The following CLUL1 variants were observed in gnomAD, a reference collection of about 807,000 sequenced individuals.
CLUL1 encodes the protein clusterin like 1.
In CLUL1, 43 loss-of-function variants were observed where a neutral mutation model predicts 49.4. The observed-to-expected ratio is 0.87, with a 90% CI of 0.68 to 1.12. The LOEUF (loss-of-function observed/expected upper bound fraction) is 1.12. Ranked by LOEUF, CLUL1 falls within the 50% of genes most tolerant of loss-of-function variation. The pLI, the probability that CLUL1 is intolerant of heterozygous loss-of-function variation, is 0.00. For missense variants in CLUL1, 486 were observed against 544.4 expected (o/e 0.89, Z 1.07); for synonymous variants, 192 against 184.9 (o/e 1.04, Z -0.31).
At position 645,657 on chromosome 18, in the gene CLUL1, G is replaced by A. The variant is rs536437179; in HGVS notation, c.1397+560G>A. Among the ~76,000 whole-genome samples, 84 of 149,906 alleles carry A rather than the reference G, an allele frequency of 5.6e-4. 1 individual carries two copies. The highest frequency in any genetic ancestry group is 1.9e-3 in the African/African-American group (76 of 40,952). ...AAAATAAAAAAAATTAGCCGGGCGT[G>A]GTGGCGGGCGCCTGTAGTCCCAGCT... On this transcript the variant is annotated intron_variant, in intron 9 of 9. Transcript: ENST00000692774.
intron 2 of CLUL1, among the ~76,000 whole-genome samples, chr18:607,584 C>G (rs551963023): frequency 4.1e-4 from 63 of 152,256 alleles, no homozygotes; most frequent in African/African-American, 1.5e-3. Flanking sequence ...ATGCCACCAC[C>G]TAGCTAATTT....
chr18:637,358 C>A, intron 7 of CLUL1, among the ~76,000 whole-genome samples: 1 of 152,062 alleles, frequency 6.6e-6, no homozygotes, highest in Admixed American at 6.6e-5. Flanking sequence ...TTACACGGGC[C>A]ACAGAACAAG....
At chr18:613,611 C>A (rs1444139632) in intron 2 of CLUL1, among the ~76,000 whole-genome samples, 1 of 151,478 alleles carries the variant, frequency 6.6e-6, no homozygotes, top group East Asian at 1.9e-4. Flanking sequence ...CCTGCCACCA[C>A]CCCCAGCTAA....
At chr18:625,111 A>C (rs1175002311) in intron 5 of CLUL1, 79 bp downstream of exon 5, 49 of 1,425,308 alleles carry the variant, frequency 3.4e-5, no homozygotes, top group Non-Finnish European at 3.8e-5. Flanking sequence ...ATTTATGTTA[A>C]TATTTAGAAC....
At chr18:637,971 A>T (rs1262105037) in intron 7 of CLUL1, among the ~76,000 whole-genome samples, 2 of 152,030 alleles carry the variant, frequency 1.3e-5, no homozygotes, top group Non-Finnish European at 2.9e-5. Flanking sequence ...TGTCTTGAAA[A>T]AATAATAATA....
chr18:598,902 G>C (rs2072737678), intron 1 of CLUL1, among the ~76,000 whole-genome samples: 1 of 151,948 alleles, frequency 6.6e-6, no homozygotes, highest in Non-Finnish European at 1.5e-5. Context: ...ATGTTGTTCT[G>C]ATTTACTAAA....
At chr18:615,368 T>C (rs73942578) in intron 2 of CLUL1, among the ~76,000 whole-genome samples, 4,959 of 152,268 alleles carry the variant, frequency 0.033, 287 homozygotes, top group African/African-American at 0.11. Context: ...AAGAAAAAAA[T>C]CTGCTACTAG....
At chr18:633,791 ATGTAATCGGAATGAATCAGGGCGGAGCG>A (rs751070693) in intron 7 of CLUL1, among the ~76,000 whole-genome samples, 77,484 of 148,204 alleles carry the variant, frequency 0.52, 22,627 homozygotes, top group Middle Eastern at 0.66. Flanking sequence ...ATGACAGAGC[ATGTAATCGGAATGAATCAGGGCGGAGCG>A]TGTAATCGGA....
chr18:638,105 G>A (rs74321578), intron 7 of CLUL1, among the ~76,000 whole-genome samples: 21,151 of 152,122 alleles, frequency 0.14, 2,192 homozygotes, highest in African/African-American at 0.29. Flanking sequence ...TATCTGCTTC[G>A]TACACATCTT....
intron 6 of CLUL1, among the ~76,000 whole-genome samples, chr18:631,672 C>G (rs1031929365): frequency 6.6e-6 from 1 of 152,030 alleles, no homozygotes; most frequent in African/African-American, 2.4e-5. Flanking sequence ...TATGACACAG[C>G]CTCTGACTTC....
At chr18:629,612 C>T (rs974275338) in intron 6 of CLUL1, among the ~76,000 whole-genome samples, 5 of 152,218 alleles carry the variant, frequency 3.3e-5, no homozygotes, top group Non-Finnish European at 7.3e-5. Flanking sequence ...CTGCCTCACA[C>T]GCACCCTCCC....
At chr18:616,623 G>C (rs2073301233) in intron 2 of CLUL1, 1 of 469,164 alleles carries the variant, frequency 2.1e-6, no homozygotes, top group South Asian at 9.0e-5. Context: ...AAAATGTTGG[G>C]TTAATAGGAT....
intron 1 of CLUL1, among the ~76,000 whole-genome samples, chr18:605,621 C>A (rs2072950480): frequency 6.6e-6 from 1 of 151,994 alleles, no homozygotes. Context: ...GGAAAACATG[C>A]ATGGTATTTT....
intron 2 of CLUL1, among the ~76,000 whole-genome samples, chr18:608,890 A>G (rs1170017617): frequency 1.3e-5 from 2 of 152,238 alleles, no homozygotes; most frequent in African/African-American, 4.8e-5. Flanking sequence ...CTTGACCATT[A>G]TAATACCATT....
At chr18:597,471 A>G (rs1013229688) in intron 1 of CLUL1, among the ~76,000 whole-genome samples, 4 of 152,116 alleles carry the variant, frequency 2.6e-5, no homozygotes, top group African/African-American at 9.7e-5. Context: ...CACGCCTGTA[A>G]TCTCAACACT....
chr18:649,874 G>C (rs776505641), intron 9 of CLUL1, 24 bp from the exon 10 acceptor site: 2 of 1,303,044 alleles, frequency 1.5e-6, no homozygotes, highest in South Asian at 1.3e-5. Context: ...TTTGATCATT[G>C]CTGCCTTTTT....
intron 9 of CLUL1, 94 bp downstream of exon 9, chr18:645,191 C>G: frequency 1.1e-6 from 1 of 894,052 alleles, no homozygotes; most frequent in South Asian, 2.4e-5. Context: ...ACCTGGAAAA[C>G]ATGTTTAACC....
Position 618,629 on chromosome 18 carries a change from CAG to C in CLUL1, c.106+526_106+527del, listed in dbSNP as rs2073380447. Among the ~76,000 whole-genome samples, 1 of 152,046 alleles carries C rather than the reference CAG, an allele frequency of 6.6e-6. No homozygotes were observed. Among genetic ancestry groups the C allele is most frequent in the South Asian group, 2.1e-4 (1 of 4,822 alleles). On this transcript the variant is annotated intron_variant, in intron 3 of 9. Coordinates refer to ENST00000692774, the MANE Select transcript of CLUL1 (RefSeq NM_001393344.1). This position sits in a 1 kb window ranked among gnomAD's most constrained non-coding sequence, Gnocchi z 4.2. ...CAGCTGATTTGGGGTCTGTAATAAT[CAG>C]AGTCAAGAATGAGCTCCTCAGTAGG...
intron 6 of CLUL1, among the ~76,000 whole-genome samples, chr18:630,796 C>T (rs8094325): frequency 0.21 from 31,188 of 148,340 alleles, 3,269 homozygotes; most frequent in African/African-American, 0.22. Flanking sequence ...AAGCGATTCT[C>T]CTGCCTCAGC....
Sources: gnomAD v4.1 joint callset for allele counts (sites outside exome capture counted in the v4.1 genomes callset) on GRCh38, gnomAD v4.1.1 for gene constraint, Gnocchi (gnomAD v3.1) non-coding constraint, MANE v1.5 for transcripts, NCBI Gene and HGNC (gene_info 2026-07-23, HGNC 2026-07-21) for gene names.